The following MIGA2 variants were observed in gnomAD, a reference collection of about 807,000 sequenced individuals.
MIGA2 encodes mitoguardin 2.
MIGA2 carries 36 observed loss-of-function variants against 69.9 expected under a neutral mutation model. The ratio of observed to expected loss-of-function variants is 0.52; its 90% CI spans 0.39 to 0.68. The LOEUF (loss-of-function observed/expected upper bound fraction) is 0.68, where lower values mean the gene tolerates loss of function less well. MIGA2 is among the 30% of genes least tolerant of loss of function. The pLI, the probability that MIGA2 is intolerant of heterozygous loss-of-function variation, is 0.00. For missense variants in MIGA2, 660 were observed against 787.7 expected (o/e 0.84, Z 1.94); for synonymous variants, 333 against 349.2 (o/e 0.95, Z 0.52).
chr9:129,048,027 G>A (rs540711780), intron 3 of MIGA2, among the ~76,000 whole-genome samples: 7 of 152,244 alleles, frequency 4.6e-5, no homozygotes, highest in African/African-American at 1.4e-4. Flanking sequence ...CACCGTGCCC[G>A]GCCTTTTGTA....
chr9:129,068,561 A>T lies in MIGA2; in HGVS notation c.1404+229A>T, dbSNP rs963823884. 3 of 546,568 alleles carry T rather than the reference A, an allele frequency of 5.5e-6. No homozygotes were observed. Among genetic ancestry groups the T allele is most frequent in the Non-Finnish European group, 9.7e-6 (3 of 308,132 alleles). 33.9% of individuals were successfully genotyped at this position (546,568 alleles called of 1,614,324 possible). A position where few individuals can be genotyped will look rare whatever the true frequency, so the allele number is the denominator to read the frequency against. Reference sequence around the variant, plus strand: ...CCAACATGGTGTGCGCTTTCTTCCTATTGTGTGGTTTTACTTTTGTGCTGG... The same window carrying T: ...CCAACATGGTGTGCGCTTTCTTCCTTTTGTGTGGTTTTACTTTTGTGCTGG... On this transcript the variant is annotated intron_variant, in intron 13 of 15. Transcript: ENST00000684074. The surrounding 1 kb of genome is among the most constrained non-coding windows in gnomAD (Gnocchi z 4.1).
At chr9:129,040,190 C>T (rs955452166) in intron 1 of MIGA2, among the ~76,000 whole-genome samples, 3 of 152,172 alleles carry the variant, frequency 2.0e-5, no homozygotes, top group African/African-American at 4.8e-5. Context: ...GTGACCTGTC[C>T]ACCTCCCAGG....
At chr9:129,046,353 C>T (rs1278829290) in intron 3 of MIGA2, among the ~76,000 whole-genome samples, 1 of 152,036 alleles carries the variant, frequency 6.6e-6, no homozygotes, top group African/African-American at 2.4e-5. Flanking sequence ...AAATATTGGC[C>T]ATGTATAGTG....
chr9:129,043,493 T>C (rs1845036344), intron 3 of MIGA2, among the ~76,000 whole-genome samples: 1 of 151,522 alleles, frequency 6.6e-6, no homozygotes, highest in African/African-American at 2.4e-5. Context: ...TTCAAGAGAT[T>C]CTCCTGCTTC....
chr9:129,049,565 C>T, intron 5 of MIGA2, 67 bp downstream of exon 5: 1 of 1,487,068 alleles, frequency 6.7e-7, no homozygotes, highest in South Asian at 1.2e-5. Flanking sequence ...TTCCTAGGAG[C>T]TTGGCCAGTC....
chr9:129,046,543 C>T (rs1016245655), intron 3 of MIGA2, among the ~76,000 whole-genome samples: 8 of 151,364 alleles, frequency 5.3e-5, no homozygotes, highest in Non-Finnish European at 1.0e-4. Flanking sequence ...CTGCAACCTC[C>T]GCCTTCCAGA....
chr9:129,040,547 T>A lies in MIGA2; in HGVS notation c.-48T>A, dbSNP rs754112156. On this transcript the variant is annotated 5_prime_UTR_variant, in exon 2 of 16. The change creates a new upstream start codon in the 5' untranslated region. Transcript: ENST00000684074. The stretch of plus-strand genomic sequence containing the variant: ...TGGCAACCAGTTGAAGACGTTCTCC[T>A]TGGAAGCTCTTGGCCCTGAGGACTT... The A allele has an allele frequency of 1.3e-6, 2 of 1,580,514 alleles. No individual in the cohort carries two copies. Among genetic ancestry groups the A allele is most frequent in the African/African-American group, 1.3e-5 (1 of 74,358 alleles).
At chr9:129,067,907 C>T (rs1379852876) in intron 12 of MIGA2, 36 bp downstream of exon 12, 2 of 1,587,224 alleles carry the variant, frequency 1.3e-6, no homozygotes, top group East Asian at 4.5e-5. Flanking sequence ...ACATCCCGGG[C>T]TCCCCTGCAT....
chr9:129,049,257 G>C (rs894517146), intron 4 of MIGA2, 124 bp from the exon 5 acceptor site: 1 of 878,000 alleles, frequency 1.1e-6, no homozygotes, highest in African/African-American at 1.7e-5. Context: ...CTAGGAACAA[G>C]CTCAGGGATG....
chr9:129,066,818 G>A (rs1483225383), intron 11 of MIGA2, among the ~76,000 whole-genome samples: 43 of 151,176 alleles, frequency 2.8e-4, no homozygotes, highest in African/African-American at 8.7e-4. Context: ...AAAATTAGCC[G>A]GGCGTGGTGG....
At chr9:129,053,519 A>G (rs1307363652) in intron 6 of MIGA2, among the ~76,000 whole-genome samples, 1 of 151,678 alleles carries the variant, frequency 6.6e-6, no homozygotes, top group Non-Finnish European at 1.5e-5. Flanking sequence ...ATGTGTCACC[A>G]CGCCCGGCTA....
At chr9:129,064,532 T>C (rs961870468) in intron 11 of MIGA2, among the ~76,000 whole-genome samples, 1 of 148,682 alleles carries the variant, frequency 6.7e-6, no homozygotes, top group Non-Finnish European at 1.5e-5. Context: ...CTTTAATGGG[T>C]TTGAGCAAAG....
intron 6 of MIGA2, among the ~76,000 whole-genome samples, chr9:129,057,755 G>A (rs907727217): frequency 1.3e-5 from 2 of 151,986 alleles, no homozygotes; most frequent in Non-Finnish European, 2.9e-5. Context: ...ACAGGCACAC[G>A]CCACCACGCC....
chr9:129,040,191 AC>A (rs1454296998), intron 1 of MIGA2, among the ~76,000 whole-genome samples: 3 of 152,144 alleles, frequency 2.0e-5, no homozygotes, highest in Non-Finnish European at 4.4e-5. Flanking sequence ...TGACCTGTCC[AC>A]CTCCCAGGTT....
intron 11 of MIGA2, 107 bp from the exon 12 acceptor site, chr9:129,067,666 C>A: frequency 1.1e-6 from 1 of 945,974 alleles, no homozygotes; most frequent in Non-Finnish European, 1.6e-6. Flanking sequence ...GTGCCTGCTG[C>A]GTGGGGATGG....
chr9:129,049,423 G>A lies in MIGA2; in HGVS notation c.463G>A (p.Gly155Arg). The change falls in exon 5 of 16, where the codon GGA becomes AGA. Residue 155 changes from glycine (G) to arginine (R), a missense_variant. By Grantham distance (125) the Gly-to-Arg change is moderately radical. Transcript: ENST00000684074. ...NSSSPTAACS[G>R]LWDARGMEES... Reference sequence around the variant, plus strand: ...ATCCAGCCCCACAGCCGCGTGCTCGGGACTATGGGATGCCAGAGGGATGGA... The same window carrying A: ...ATCCAGCCCCACAGCCGCGTGCTCGAGACTATGGGATGCCAGAGGGATGGA... The A allele has an allele frequency of 6.2e-7, 1 of 1,613,546 alleles. No individual in the cohort carries two copies. Among genetic ancestry groups the A allele is most frequent in the Non-Finnish European group, 8.5e-7 (1 of 1,179,774 alleles).
rs572972973 is a variant in MIGA2 at position 129,037,386 on chromosome 9, T to G, written c.-144+705T>G. On this transcript the variant is annotated intron_variant, in intron 1 of 15. Transcript: ENST00000684074. ...GAATGAGGAGGTGTCCGCCTAAGAT[T>G]GTAGGGCACAAGAGATGGCTGCCCA... 2.0e-5 allele frequency among the ~76,000 whole-genome samples: 3 copies of G among 152,078 alleles called. No homozygotes were observed. In the East Asian group the frequency reaches 5.8e-4, roughly 30 times the overall value.
chr9:129,049,932 A>G lies in MIGA2; in HGVS notation c.644A>G (p.Asn215Ser), dbSNP rs1233326596. 6.2e-7 allele frequency: 1 copy of G among 1,613,548 alleles called. No homozygotes were observed. The highest frequency in any genetic ancestry group is 8.5e-7 in the Non-Finnish European group (1 of 1,179,926). Reference protein sequence around the residue: ...STPMPRDGLRNPETASEPLSE... With the variant: ...STPMPRDGLRSPETASEPLSE... ...CCCATGCCCAGGGACGGCCTCCGGAACCCAGAGACTGCATCAGAGCCACTG... is the reference window on the plus strand; with the variant it reads ...CCCATGCCCAGGGACGGCCTCCGGAGCCCAGAGACTGCATCAGAGCCACTG... Residue 215 changes from asparagine (N) to serine (S), a missense_variant, in exon 6 of 16, where the codon AAC becomes AGC. Physicochemically the swap from Asn to Ser is conservative, Grantham distance 46. Coordinates refer to ENST00000684074, the MANE Select transcript of MIGA2 (RefSeq NM_001329990.2).
chr9:129,038,773 C>CT (rs1162026813), intron 1 of MIGA2, among the ~76,000 whole-genome samples: 8 of 143,952 alleles, frequency 5.6e-5, no homozygotes, highest in South Asian at 2.2e-4. Context: ...TCACATAATC[C>CT]TTTTTTTTTG....
Sources: gnomAD v4.1 joint callset for allele counts (sites outside exome capture counted in the v4.1 genomes callset) on GRCh38, gnomAD v4.1.1 for gene constraint, Gnocchi (gnomAD v3.1) non-coding constraint, MANE v1.5 for transcripts, NCBI Gene and HGNC (gene_info 2026-07-23, HGNC 2026-07-21) for gene names.